TTN: variants seen among roughly 807,000 people sequenced by gnomAD.
TTN encodes the protein titin.
Under a neutral mutation model 3,223.0 loss-of-function variants are expected in TTN, and 1,525 were observed. The ratio of observed to expected loss-of-function variants is 0.47; its 90% CI spans 0.45 to 0.49. The LOEUF (loss-of-function observed/expected upper bound fraction) is 0.49, where lower values mean the gene tolerates loss of function less well. Ranked by LOEUF, TTN falls within the 20% of genes least tolerant of loss-of-function variation. The pLI, the probability that TTN is intolerant of heterozygous loss-of-function variation, is 0.00. For synonymous variants in TTN, 14,094 were observed against 15,161.0 expected, an observed-to-expected ratio of 0.93 and a Z score of 5.17; for missense variants, 40,786 against 43,424.0, an observed-to-expected ratio of 0.94 and a Z score of 5.40.
At chr2:178,545,175 C>T (rs1696481849) in intron 344 of TTN, among the ~76,000 whole-genome samples, 1 of 152,058 alleles carries the variant, frequency 6.6e-6, no homozygotes, top group South Asian at 2.1e-4. Flanking sequence ...TTGGAAAATG[C>T]TGTACAACTT....
At chr2:178,600,226 A>G (rs1242214824) in intron 288 of TTN, among the ~76,000 whole-genome samples, 1 of 151,908 alleles carries the variant, frequency 6.6e-6, no homozygotes, top group Non-Finnish European at 1.5e-5. Context: ...GGGATACACA[A>G]GAAGGTGAAT....
chr2:178,689,763 A>G (rs749851843), intron 122 of TTN, 50 bp downstream of exon 122: 2 of 1,542,236 alleles, frequency 1.3e-6, no homozygotes, highest in Non-Finnish European at 1.8e-6. Context: ...AACACAACAT[A>G]TTTTGTATCA....
chr2:178,613,784 C>T lies in TTN; in HGVS notation c.49499G>A (p.Cys16500Tyr). Reference sequence around the variant, plus strand: ...TGTGTCCTTTACTGGCATCTTATTGCATCTAACCCATTTATCTGTATCAGG... The same window carrying T: ...TGTGTCCTTTACTGGCATCTTATTGTATCTAACCCATTTATCTGTATCAGG... Reference protein sequence around the residue: ...LDPDTDKWVRCNKMPVKDTTY... With the variant: ...LDPDTDKWVRYNKMPVKDTTY... The change falls in exon 263 of 363, where the codon TGC becomes TAC. Residue 16500 changes from cysteine to tyrosine, a missense_variant. Transcript: ENST00000589042. 3 of 1,612,430 alleles carry T rather than the reference C, an allele frequency of 1.9e-6. No individual in the cohort carries two copies. Among genetic ancestry groups the T allele is most frequent in the Non-Finnish European group, 2.5e-6 (3 of 1,178,930 alleles).
chr2:178,620,147 A>G (rs371412030), intron 248 of TTN, 35 bp from the exon 249 acceptor site: 32 of 1,596,654 alleles, frequency 2.0e-5, no homozygotes, highest in Middle Eastern at 1.7e-4. Context: ...TTAGCTTGCA[A>G]TGATGGCCAC....
rs1234344822 is a variant in TTN, at chr2:178,766,605, T to C, written c.9479A>G (p.Glu3160Gly). The change falls in exon 41 of 363, where the codon GAG becomes GGG. Residue 3160 changes from glutamate to glycine, a missense_variant. Transcript: ENST00000589042. ...RSIKKEVQVI[E>G]KQRAVVEFEV... ...AAATTCAACAACAGCACGCTGTTTC[T>C]CAATGACCTGTTGATGGAACAACAT... 6.2e-7 allele frequency: 1 copy of C among 1,612,990 alleles called. No homozygotes were observed. The highest frequency in any genetic ancestry group is 8.5e-7 in the Non-Finnish European group (1 of 1,179,312).
chr2:178,732,098 C>T lies in TTN; in HGVS notation c.16871G>A (p.Ser5624Asn). The part of the protein sequence containing the change: ...YMCEAQNEAG[S>N]DHCSSIVIVK... ...TATTACAATGCTACTGCAGTGGTCA[C>T]TGCCAGCCTCATTTTGGGCCTCACA... The change falls in exon 57 of 363, where the codon AGT (serine) becomes AAT (asparagine). Residue 5624 changes from serine to asparagine, a missense_variant. By Grantham distance (46) the Ser-to-Asn change is conservative. Transcript: ENST00000589042. The T allele has an allele frequency of 6.2e-7, 1 of 1,612,470 alleles. No homozygotes were observed. The highest frequency in any genetic ancestry group is 8.5e-7 in the Non-Finnish European group (1 of 1,178,844).
chr2:178,537,787 C>T lies in TTN; in HGVS notation c.99420G>A (p.Glu33140=). Residue 33140 remains glutamate, a synonymous_variant, in exon 355 of 363, where the codon GAG becomes GAA. Coordinates refer to ENST00000589042, the MANE Select transcript of TTN (RefSeq NM_001267550.2). ...TTTTGTATTTCCGGCTTTGTATGAG[C>T]TCTTTACCAAATCTGTACCATTTAA... ...PDIKWYRFGK[E]LIQSRKYKMS... is the part of the protein sequence containing the mutation. 1 of 1,613,756 alleles carries T rather than the reference C, an allele frequency of 6.2e-7. No homozygotes were observed. The highest frequency in any genetic ancestry group is 1.3e-5 in the African/African-American group (1 of 75,004).
rs727503662 is a variant in TTN, at chr2:178,741,687, G to A, written c.11546C>T (p.Pro3849Leu). Residue 3849 changes from proline (P) to leucine (L), a missense_variant, in exon 48 of 363, where the codon CCT becomes CTT. Coordinates refer to ENST00000589042, the MANE Select transcript of TTN (RefSeq NM_001267550.2). ...LSVTVIGIPKPKIQWFFNGVL... is the reference protein window; with the variant it reads ...LSVTVIGIPKLKIQWFFNGVL... ...TCCATTAAAGAACCACTGAATTTTA[G>A]GTTTGGGGATGCCAATGACAGTTAC... 3 of 1,613,768 alleles carry A rather than the reference G, an allele frequency of 1.9e-6. No individual in the cohort carries two copies. The highest frequency in any genetic ancestry group is 2.5e-6 in the Non-Finnish European group (3 of 1,179,762).
Position 178,576,362 on chromosome 2 carries a change from G to A in TTN, c.69770C>T (p.Ala23257Val), listed in dbSNP as rs1710097395. The change falls in exon 326 of 363, where the codon GCT becomes GTT. Residue 23257 changes from alanine (A) to valine (V), a missense_variant. Physicochemically the swap from Ala to Val is moderately conservative, Grantham distance 64. Transcript: ENST00000589042. This position sits in a 1 kb window ranked among gnomAD's most constrained non-coding sequence, Gnocchi z 4.3. Reference sequence around the variant, plus strand: ...ATGAGGCTTGCCCCATGCCAAAGAAGCAGATTTCTTGGTAGTATCAGTGAC... The same window carrying A: ...ATGAGGCTTGCCCCATGCCAAAGAAACAGATTTCTTGGTAGTATCAGTGAC... ...PHVTDTTKKS[A>V]SLAWGKPHYD... 6.4e-7 allele frequency: 1 copy of A among 1,558,050 alleles called. No individual in the cohort carries two copies. The highest frequency in any genetic ancestry group is 2.1e-5 in the Admixed American group (1 of 47,288).
Position 178,616,939 on chromosome 2 carries a change from C to G in TTN, c.47950G>C (p.Val15984Leu), listed in dbSNP as rs766367585. Residue 15984 changes from valine (V) to leucine (L), a missense_variant, in exon 256 of 363, where the codon GTT becomes CTT. Coordinates refer to ENST00000589042, the MANE Select transcript of TTN (RefSeq NM_001267550.2). Reference protein sequence around the residue: ...VIVPNPITILVPSTGYPRPTA... With the variant: ...VIVPNPITILLPSTGYPRPTA... ...GGCCTTGGATAGCCTGTACTTGGAA[C>G]CAGGATCGTGATAGGATTTGGGACA... is the stretch of plus-strand genomic sequence containing the variant. 9 of 1,612,510 alleles carry G rather than the reference C, an allele frequency of 5.6e-6. 1 individual carries two copies. In the South Asian group the frequency reaches 7.7e-5, roughly 14 times the overall value.
intron 227 of TTN, 56 bp downstream of exon 227, chr2:178,635,383 AT>A (rs2060311436): frequency 6.2e-7 from 1 of 1,605,742 alleles, no homozygotes; most frequent in African/African-American, 1.3e-5. Flanking sequence ...TTGGTGTGTT[AT>A]TTGGCTTTAC....
In TTN at chr2:178,738,225, C is replaced by T; in HGVS notation, c.14228G>A (p.Ser4743Asn). Residue 4743 changes from serine (S) to asparagine (N), a missense_variant, in exon 49 of 363, where the codon AGT (serine) becomes AAT (asparagine). Ser to Asn is a conservative substitution (Grantham distance 46). Coordinates refer to ENST00000589042, the MANE Select transcript of TTN (RefSeq NM_001267550.2). ...WFKAGREIYE[S>N]DKCSIRSSKY... ...TGAAGATCGAATAGAACACTTGTCA[C>T]TCTCATAAATTTCTCGGCCAGCTTT... 1 of 1,613,650 alleles carries T rather than the reference C, an allele frequency of 6.2e-7. No individual in the cohort carries two copies. The highest frequency in any genetic ancestry group is 1.3e-5 in the African/African-American group (1 of 75,032).
Position 178,570,813 on chromosome 2 carries a change from C to T in TTN, c.75319G>A (p.Asp25107Asn). Residue 25107 changes from aspartate to asparagine, a missense_variant, in exon 326 of 363, where the codon GAT becomes AAT. Transcript: ENST00000589042. Reference sequence around the variant, plus strand: ...GGATCCATACTTATTCGTGGTGGATCTACCTCATCTCTAGCTGTTATTGCT... The same window carrying T: ...GGATCCATACTTATTCGTGGTGGATTTACCTCATCTCTAGCTGTTATTGCT... ...TGAITARDEV[D>N]PPRISMDPKY... 6.2e-7 allele frequency: 1 copy of T among 1,613,562 alleles called. No homozygotes were observed. The highest frequency in any genetic ancestry group is 8.5e-7 in the Non-Finnish European group (1 of 1,179,616).
chr2:178,564,814 G>C lies in TTN; in HGVS notation c.81318C>G (p.Gly27106=). The C allele has an allele frequency of 1.9e-6, 3 of 1,612,908 alleles. No individual in the cohort carries two copies. The highest frequency in any genetic ancestry group is 1.7e-6 in the Non-Finnish European group (2 of 1,179,434). ...PVNDGGTKII[G]YHLEQKEKNS... is the part of the protein sequence containing the mutation. ...TCTTTTCTTTCTGTTCAAGATGGTA[G>C]CCAATAATTTTGGTGCCTCCATCAT... Residue 27106 remains glycine (G), a synonymous_variant, in exon 326 of 363, where the codon GGC becomes GGG. Transcript: ENST00000589042.
In TTN at chr2:178,704,356, G is replaced by A. The variant is rs2075505818; in HGVS notation, c.30014C>T (p.Thr10005Ile). The change falls in exon 106 of 363, where the codon ACT (threonine) becomes ATT (isoleucine). Residue 10005 changes from threonine to isoleucine, a missense_variant. Coordinates refer to ENST00000589042, the MANE Select transcript of TTN (RefSeq NM_001267550.2). ...LQDVTLKEGQ[T>I]CTMTCQFSVP... Reference sequence around the variant, plus strand: ...AGAAAATTGGCATGTCATGGTGCAAGTCTGGCCTTCTTTCAGAGTCACATC... The same window carrying A: ...AGAAAATTGGCATGTCATGGTGCAAATCTGGCCTTCTTTCAGAGTCACATC... 1 of 1,614,012 alleles carries A rather than the reference G, an allele frequency of 6.2e-7. No homozygotes were observed. The highest frequency in any genetic ancestry group is 8.5e-7 in the Non-Finnish European group (1 of 1,179,840).
rs55915651 is a variant in TTN, at chr2:178,542,360, C to T, written c.97396G>A (p.Glu32466Lys). 65 of 1,613,484 alleles carry T rather than the reference C, an allele frequency of 4.0e-5. 1 individual carries two copies. The East Asian group carries it at 4.2e-4, about 11-fold the overall frequency. The stretch of plus-strand genomic sequence containing the variant: ...ACACGGAACACATACTCATTTCCTT[C>T]GGTGAGTCTGGTAAACTTAAACGTG... ...RSTFKFTRLTEGNEYVFRVAA... is the reference protein window; with the variant it reads ...RSTFKFTRLTKGNEYVFRVAA... The change falls in exon 349 of 363, where the codon GAA becomes AAA. Residue 32466 changes from glutamate to lysine, a missense_variant. Physicochemically the swap from Glu to Lys is moderately conservative, Grantham distance 56 (BLOSUM62 1). Transcript: ENST00000589042.
rs1690680023 is a variant in TTN at position 178,534,737 on chromosome 2, A to G, written c.101878T>C (p.Phe33960Leu). ...GGTTTCAGCTGACGGGCTTGACCAA[A>G]TTCTATGATTTTAATGGTAGAGCTT... ...RRSSTIKIIE[F>L]GQARQLKPGD... Residue 33960 changes from phenylalanine (F) to leucine (L), a missense_variant, in exon 358 of 363, where the codon TTT (phenylalanine) becomes CTT (leucine). Physicochemically the swap from Phe to Leu is conservative, Grantham distance 22 (BLOSUM62 0). Coordinates refer to ENST00000589042, the MANE Select transcript of TTN (RefSeq NM_001267550.2). 6.2e-7 allele frequency: 1 copy of G among 1,613,690 alleles called. No homozygotes were observed. The highest frequency in any genetic ancestry group is 8.5e-7 in the Non-Finnish European group (1 of 1,179,794).
chr2:178,573,476 G>A lies in TTN; in HGVS notation c.72656C>T (p.Pro24219Leu), dbSNP rs1708973169. 3 of 1,508,220 alleles carry A rather than the reference G, an allele frequency of 2.0e-6. No individual in the cohort carries two copies. Among genetic ancestry groups the A allele is most frequent in the African/African-American group, 1.4e-5 (1 of 71,422 alleles). 93.4% of individuals were successfully genotyped at this position (1,508,220 alleles called of 1,614,324 possible). ...LESEPVLAVN[P>L]YGPPDPPKNP... Reference sequence around the variant, plus strand: ...TTTGGGCGGATCAGGGGGTCCATAAGGATTCACTGCAAGCACAGGCTCTGA... The same window carrying A: ...TTTGGGCGGATCAGGGGGTCCATAAAGATTCACTGCAAGCACAGGCTCTGA... The change falls in exon 326 of 363, where the codon CCT becomes CTT. Residue 24219 changes from proline to leucine, a missense_variant. Pro to Leu is a moderately conservative substitution (Grantham distance 98). Coordinates refer to ENST00000589042, the MANE Select transcript of TTN (RefSeq NM_001267550.2).
At chr2:178,665,137 C>G (rs1018566408) in intron 165 of TTN, among the ~76,000 whole-genome samples, 4 of 152,150 alleles carry the variant, frequency 2.6e-5, no homozygotes, top group Non-Finnish European at 5.9e-5. Context: ...TCGCGACACT[C>G]TACACTCTCA....
Sources: allele counts gnomAD v4.1 joint callset (sites outside exome capture counted in the v4.1 genomes callset), GRCh38; gene constraint gnomAD v4.1.1; non-coding constraint Gnocchi (gnomAD v3.1); transcripts MANE v1.5; gene names NCBI Gene and HGNC (gene_info 2026-07-23, HGNC 2026-07-21).